RNF157: variants seen among roughly 807,000 people sequenced by gnomAD.
RNF157 encodes ring finger protein 157, also known as E3 ubiquitin ligase RNF157.
Under a neutral mutation model 88.3 loss-of-function variants are expected in RNF157, and 55 were observed. The ratio of observed to expected loss-of-function variants is 0.62; its 90% CI spans 0.50 to 0.78. The LOEUF (loss-of-function observed/expected upper bound fraction) is 0.78. Among genes scored for constraint, RNF157 ranks in the 30% least tolerant of loss-of-function variants. The pLI is 0.00. For synonymous variants in RNF157, 334 were observed against 341.2 expected (o/e 0.98, Z 0.23); for missense variants, 788 against 860.8 (o/e 0.92, Z 1.06).
chr17:76,199,414 A>C (rs2069533313), intron 2 of RNF157, among the ~76,000 whole-genome samples: 1 of 151,872 alleles, frequency 6.6e-6, no homozygotes, highest in African/African-American at 2.4e-5. Context: ...GCTCCATCAT[A>C]CACAGCTAAT....
At chr17:76,182,061 TA>T (rs1441839221) in intron 2 of RNF157, among the ~76,000 whole-genome samples, 1 of 152,210 alleles carries the variant, frequency 6.6e-6, no homozygotes, top group East Asian at 1.9e-4. Flanking sequence ...GTTCCATCTG[TA>T]AAGGGGCGTC....
chr17:76,217,821 T>C lies in RNF157; in HGVS notation c.89-5339A>G, dbSNP rs530543549. On this transcript the variant is annotated intron_variant, in intron 1 of 18. Transcript: ENST00000269391. The stretch of plus-strand genomic sequence containing the variant: ...GTGTTTCATTATTAGTGAGCTATAA[T>C]TTATTAATCAAAACTCATATTCAGA... Among the ~76,000 whole-genome samples, 6 of 152,350 alleles carry C rather than the reference T, an allele frequency of 3.9e-5. No homozygotes were observed. The East Asian group carries it at 1.2e-3, about 29-fold the overall frequency.
chr17:76,216,723 T>G (rs79293525), intron 1 of RNF157, among the ~76,000 whole-genome samples: 1,988 of 151,920 alleles, frequency 0.013, 40 homozygotes, highest in African/African-American at 0.045. Flanking sequence ...GACCCTTGTC[T>G]CGACAAAAAA....
At chr17:76,208,164 C>T (rs1268802958) in intron 2 of RNF157, among the ~76,000 whole-genome samples, 1 of 152,160 alleles carries the variant, frequency 6.6e-6, no homozygotes, top group Non-Finnish European at 1.5e-5. Flanking sequence ...CTCAAGAGAT[C>T]TATAGGCCTC....
chr17:76,230,785 C>T (rs2070172634), intron 1 of RNF157, among the ~76,000 whole-genome samples: 1 of 135,788 alleles, frequency 7.4e-6, no homozygotes, highest in Non-Finnish European at 1.5e-5. Flanking sequence ...TTGCAATGAG[C>T]CAGGATCACG....
chr17:76,155,805 G>A (rs2068754269), intron 14 of RNF157, 71 bp from the exon 15 acceptor site: 3 of 1,312,976 alleles, frequency 2.3e-6, no homozygotes, highest in Non-Finnish European at 3.1e-6. Context: ...CTGGGGAGCA[G>A]AGCCCTCTCC....
chr17:76,200,218 G>A (rs1465620470), intron 2 of RNF157, among the ~76,000 whole-genome samples: 2 of 151,900 alleles, frequency 1.3e-5, no homozygotes, highest in Admixed American at 1.3e-4. Context: ...TGCCAGCCTG[G>A]GCGACAGAGC....
At position 76,146,614 on chromosome 17, in the gene RNF157, C is replaced by CG; in HGVS notation, c.1922-1262dup. On this transcript the variant is annotated intron_variant, in intron 18 of 18. Coordinates refer to ENST00000269391, the MANE Select transcript of RNF157 (RefSeq NM_052916.3). This position sits in a 1 kb window ranked among gnomAD's most constrained non-coding sequence, Gnocchi z 4.2. ...CCTCCCCTCACGAGGCATCTCTGGCCGGGGGAGGCCCAGTGTGCTCCTAAG... is the reference window on the plus strand; with the variant it reads ...CCTCCCCTCACGAGGCATCTCTGGCCGGGGGGAGGCCCAGTGTGCTCCTAAG... 1 of 985,456 alleles carries CG rather than the reference C, an allele frequency of 1.0e-6. No individual in the cohort carries two copies. Among genetic ancestry groups the CG allele is most frequent in the South Asian group, 4.7e-5 (1 of 21,292 alleles). 61.0% of individuals were successfully genotyped at this position (985,456 alleles called of 1,614,324 possible).
chr17:76,166,803 C>A (rs1329460289), intron 5 of RNF157, among the ~76,000 whole-genome samples: 1 of 151,864 alleles, frequency 6.6e-6, no homozygotes, highest in Non-Finnish European at 1.5e-5. Flanking sequence ...TATTTCCATT[C>A]CTAGGGAATG....
intron 3 of RNF157, among the ~76,000 whole-genome samples, chr17:76,173,113 C>T (rs545786402): frequency 7.2e-5 from 11 of 152,050 alleles, no homozygotes; most frequent in East Asian, 1.9e-4. Context: ...GGTGAAACCC[C>T]GTCTCTATTA....
At chr17:76,239,178 A>C (rs987240527) in intron 1 of RNF157, among the ~76,000 whole-genome samples, 1 of 152,230 alleles carries the variant, frequency 6.6e-6, no homozygotes, top group Non-Finnish European at 1.5e-5. Context: ...AAGTCTTGAG[A>C]ATAAAATTAA....
At chr17:76,209,681 C>T (rs1209992244) in intron 2 of RNF157, among the ~76,000 whole-genome samples, 1 of 152,102 alleles carries the variant, frequency 6.6e-6, no homozygotes, top group African/African-American at 2.4e-5. Context: ...ACTATCTTTA[C>T]ATCAGATGAA....
intron 2 of RNF157, among the ~76,000 whole-genome samples, chr17:76,194,884 G>T (rs977288188): frequency 1.3e-5 from 2 of 152,014 alleles, no homozygotes; most frequent in Non-Finnish European, 2.9e-5. Flanking sequence ...GCGTGGTGGC[G>T]GGCGCCTGTA....
intron 2 of RNF157, among the ~76,000 whole-genome samples, chr17:76,185,419 C>T (rs1315470419): frequency 3.3e-5 from 5 of 151,868 alleles, no homozygotes; most frequent in Non-Finnish European, 4.4e-5. Context: ...ACACAGTCAT[C>T]TTTTCCCCTC....
chr17:76,215,618 T>C (rs530152850), intron 1 of RNF157, among the ~76,000 whole-genome samples: 1 of 151,014 alleles, frequency 6.6e-6, no homozygotes, highest in Non-Finnish European at 1.5e-5. Flanking sequence ...AAGAAAATTC[T>C]AGCAAAAACT....
chr17:76,144,685 CA>C lies in RNF157; in HGVS notation c.*549del, dbSNP rs1026786576. The C allele has an allele frequency of 7.9e-5, 12 of 152,332 alleles. No individual in the cohort carries two copies. Among genetic ancestry groups the C allele is most frequent in the African/African-American group, 2.9e-4 (12 of 41,466 alleles). The allele number at this position is 152,332 out of a possible 1,614,324, so 9.4% of individuals were successfully genotyped here. ...CACCAGAAGGAAGGATTGTTTCCTT[CA>C]ACCAACCTTTTGGTTGCTACCATTT... On this transcript the variant is annotated 3_prime_UTR_variant, in exon 19 of 19. Transcript: ENST00000269391.
At position 76,195,358 on chromosome 17, in the gene RNF157, T is replaced by A. The variant is rs1316461184; in HGVS notation, c.207+17006A>T. ...TTATCGGGAAAATGAAAATAAATTC[T>A]ACAAACCTACCACAATGGCTAAGAT... On this transcript the variant is annotated intron_variant, in intron 2 of 18. Transcript: ENST00000269391. This position sits in a 1 kb window ranked among gnomAD's most constrained non-coding sequence, Gnocchi z 4.4. 6.6e-6 allele frequency among the ~76,000 whole-genome samples: 1 copy of A among 152,178 alleles called. No homozygotes were observed. Among genetic ancestry groups the A allele is most frequent in the African/African-American group, 2.4e-5 (1 of 41,448 alleles).
chr17:76,219,232 C>T (rs1005982827), intron 1 of RNF157, among the ~76,000 whole-genome samples: 2 of 151,642 alleles, frequency 1.3e-5, no homozygotes, highest in Non-Finnish European at 2.9e-5. Context: ...GAGAAAAATA[C>T]AAACCTTCCT....
At chr17:76,216,338 G>C (rs1442305779) in intron 1 of RNF157, among the ~76,000 whole-genome samples, 1 of 152,182 alleles carries the variant, frequency 6.6e-6, no homozygotes. Context: ...GGGGGCTAAA[G>C]AGTTAAAGCA....
Sources: allele counts gnomAD v4.1 joint callset (sites outside exome capture counted in the v4.1 genomes callset), GRCh38; gene constraint gnomAD v4.1.1; non-coding constraint Gnocchi (gnomAD v3.1); transcripts MANE v1.5; gene names NCBI Gene and HGNC (gene_info 2026-07-23, HGNC 2026-07-21).